The following ZC3H11A variants were observed in gnomAD, a reference collection of about 807,000 sequenced individuals.
ZC3H11A encodes the protein zinc finger CCCH-type containing 11A.
In ZC3H11A, 22 loss-of-function variants were observed where a neutral mutation model predicts 90.8. The ratio of observed to expected loss-of-function variants is 0.24; its 90% CI spans 0.17 to 0.35. ZC3H11A has a LOEUF of 0.35. ZC3H11A is among the 10% of genes least tolerant of loss of function. The pLI is 1.00. For missense variants in ZC3H11A, 701 were observed against 964.9 expected, an observed-to-expected ratio of 0.73 and a Z score of 3.62; for synonymous variants, 294 against 339.8, an observed-to-expected ratio of 0.87 and a Z score of 1.48.
chr1:203,831,576 AACTG>A, intron 8 of ZC3H11A, 81 bp from the exon 9 acceptor site: 1 of 1,103,444 alleles, frequency 9.1e-7, no homozygotes, highest in Non-Finnish European at 1.3e-6. Context: ...TATTGGACTT[AACTG>A]GTTACAAAAA....
chr1:203,797,825 G>A (rs151253583), intron 1 of ZC3H11A: 54 of 1,536,096 alleles, frequency 3.5e-5, no homozygotes, highest in Non-Finnish European at 4.6e-5. Flanking sequence ...CCCCTGCTTT[G>A]TTAGCTTCCA....
Sources: allele counts gnomAD v4.1 joint callset, GRCh38; gene constraint gnomAD v4.1.1; transcripts MANE v1.5; gene names NCBI Gene and HGNC (gene_info 2026-07-23, HGNC 2026-07-21).